CCDC80: variants seen among roughly 807,000 people sequenced by gnomAD.
CCDC80 encodes coiled-coil domain-containing protein 80.
A neutral mutation model predicts 78.7 loss-of-function variants in CCDC80; 49 were observed. That is an observed-to-expected ratio of 0.62 (90% CI 0.50 to 0.79). CCDC80 has a LOEUF of 0.79. Ranked by LOEUF, CCDC80 falls within the 30% of genes least tolerant of loss-of-function variation. The pLI is 0.00. For synonymous variants in CCDC80, 488 were observed against 447.0 expected (o/e 1.09, Z -1.16); for missense variants, 1,205 against 1,198.6 (o/e 1.01, Z -0.08).
chr3:112,609,268 A>C lies in CCDC80; in HGVS notation c.2425+710T>G, dbSNP rs933695517. On this transcript the variant is annotated intron_variant, in intron 6 of 7. Transcript: ENST00000206423. ...TTACTGCCTATATATCCATATCCAAAATGACATTAGCTCTCTCAGGACACT... is the reference window on the plus strand; with the variant it reads ...TTACTGCCTATATATCCATATCCAACATGACATTAGCTCTCTCAGGACACT... Among the ~76,000 whole-genome samples, 3 of 152,298 alleles carry C rather than the reference A, an allele frequency of 2.0e-5. No individual in the cohort carries two copies. In the South Asian group the frequency reaches 6.2e-4, roughly 32 times the overall value.
At chr3:112,622,304 T>C (rs1161563136) in intron 3 of CCDC80, among the ~76,000 whole-genome samples, 1 of 152,238 alleles carries the variant, frequency 6.6e-6, no homozygotes, top group Non-Finnish European at 1.5e-5. Context: ...TCCCAGATTA[T>C]AGGAATATCT....
chr3:112,612,762 T>C (rs962254761), intron 5 of CCDC80, among the ~76,000 whole-genome samples: 4 of 152,034 alleles, frequency 2.6e-5, no homozygotes, highest in Admixed American at 6.5e-5. Flanking sequence ...TAGACTGGCT[T>C]CAGGGTCTGG....
intron 3 of CCDC80, among the ~76,000 whole-genome samples, chr3:112,621,272 T>C (rs1046949249): frequency 2.0e-5 from 3 of 152,226 alleles, no homozygotes; most frequent in Non-Finnish European, 4.4e-5. Context: ...GGGATTGTTC[T>C]TGCTTCTGCC....
chr3:112,607,536 C>T (rs1274196754), intron 6 of CCDC80, among the ~76,000 whole-genome samples: 1 of 152,100 alleles, frequency 6.6e-6, no homozygotes, highest in African/African-American at 2.4e-5. Context: ...CCTGTAATCC[C>T]AGCACTTTGG....
In CCDC80 at chr3:112,640,017, C is replaced by T. The variant is rs1936311255; in HGVS notation, c.-11-101G>A. On this transcript the variant is annotated intron_variant, in intron 1 of 7. Transcript: ENST00000206423. ...CTGGTCATTTTCTTTTTCTGTATCT[C>T]AGCCAAGGGGAGGGGAAAAGGTTGG... 3.4e-6 allele frequency: 5 copies of T among 1,452,044 alleles called. 1 individual carries two copies. Among genetic ancestry groups the T allele is most frequent in the Non-Finnish European group, 4.5e-6 (5 of 1,106,724 alleles). The allele number at this position is 1,452,044 out of a possible 1,614,324, so 89.9% of individuals were successfully genotyped here.
chr3:112,616,331 T>A (rs865984428), intron 5 of CCDC80, among the ~76,000 whole-genome samples: 14 of 148,684 alleles, frequency 9.4e-5, no homozygotes, highest in African/African-American at 1.7e-4. Context: ...AATAAATAAA[T>A]ATGTAAAATA....
chr3:112,621,280 G>T lies in CCDC80; in HGVS notation c.2036-2176C>A, dbSNP rs78041177. Among the ~76,000 whole-genome samples the T allele has an allele frequency of 1.6e-4, 25 of 152,280 alleles. No individual in the cohort carries two copies. In the East Asian group the frequency reaches 4.6e-3, roughly 28 times the overall value. On this transcript the variant is annotated intron_variant, in intron 3 of 7. Transcript: ENST00000206423. ...TACATTAGGGATTGTTCTTGCTTCT[G>T]CCATTGCCATGAGAATATGCCCACA...
intron 4 of CCDC80, among the ~76,000 whole-genome samples, chr3:112,617,281 C>T (rs1354588799): frequency 6.6e-6 from 1 of 152,198 alleles, no homozygotes; most frequent in Non-Finnish European, 1.5e-5. Flanking sequence ...TAGTTTTCCA[C>T]CAAGGCCTGT....
chr3:112,610,196 A>T (rs750810900), intron 5 of CCDC80, 115 bp from the exon 6 acceptor site: 1 of 837,302 alleles, frequency 1.2e-6, no homozygotes, highest in African/African-American at 1.7e-5. Context: ...GAAAAAAAAA[A>T]AGAAAAAAAC....
rs1935532445 is a variant in CCDC80 at position 112,607,264 on chromosome 3, A to C, written c.2426-8T>G. The C allele has an allele frequency of 6.2e-7, 1 of 1,606,154 alleles. No individual in the cohort carries two copies. The highest frequency in any genetic ancestry group is 2.2e-5 in the East Asian group (1 of 44,824). The stretch of plus-strand genomic sequence containing the variant: ...TGGTTATGTGGCGCAGACCTGAGAG[A>C]AAAAAGAAAACCATAGGATTAGAGG... On this transcript the variant is annotated splice_region_variant and splice_polypyrimidine_tract_variant and intron_variant, in intron 6 of 7. Transcript: ENST00000206423.
At chr3:112,628,460 C>T (rs1936025114) in intron 3 of CCDC80, among the ~76,000 whole-genome samples, 1 of 152,182 alleles carries the variant, frequency 6.6e-6, no homozygotes, top group South Asian at 2.1e-4. Flanking sequence ...ACTACCAGAT[C>T]AAATGGTGAT....
In CCDC80 at chr3:112,599,387, T is replaced by C. The variant is rs1935337274; in HGVS notation, c.*6030A>G. ...ACAACTCAGAGAGAACTGAGGAAAGTAGTTAGCATGTTAACTGTGCCTCAC... is the reference window on the plus strand; with the variant it reads ...ACAACTCAGAGAGAACTGAGGAAAGCAGTTAGCATGTTAACTGTGCCTCAC... On this transcript the variant is annotated 3_prime_UTR_variant, in exon 8 of 8. Transcript: ENST00000206423. The C allele has an allele frequency of 6.6e-6, 1 of 152,138 alleles. No individual in the cohort carries two copies. The highest frequency in any genetic ancestry group is 1.5e-5 in the Non-Finnish European group (1 of 68,052). 9.4% of individuals were successfully genotyped at this position (152,138 alleles called of 1,614,324 possible).
chr3:112,602,173 A>G lies in CCDC80; in HGVS notation c.*3244T>C, dbSNP rs927312248. ...GTAGTCAACGATCTTTGATGTTGCT[A>G]TTATAATTACTGGGGGCACCATGAA... On this transcript the variant is annotated 3_prime_UTR_variant, in exon 8 of 8. Coordinates refer to ENST00000206423, the MANE Select transcript of CCDC80 (RefSeq NM_199511.3). The G allele has an allele frequency of 2.6e-5, 4 of 152,174 alleles. No individual in the cohort carries two copies. Among genetic ancestry groups the G allele is most frequent in the African/African-American group, 9.7e-5 (4 of 41,416 alleles). The allele number at this position is 152,174 out of a possible 1,614,324, so 9.4% of individuals were successfully genotyped here.
In CCDC80 at chr3:112,597,950, T is replaced by A. The variant is rs1935310498; in HGVS notation, c.*7467A>T. 3 of 152,234 alleles carry A rather than the reference T, an allele frequency of 2.0e-5. No homozygotes were observed. Among genetic ancestry groups the A allele is most frequent in the Non-Finnish European group, 4.4e-5 (3 of 68,060 alleles). The allele number at this position is 152,234 out of a possible 1,614,324, so 9.4% of individuals were successfully genotyped here. The stretch of plus-strand genomic sequence containing the variant: ...TTCCTGGTTCCTGGAAAAGTACATA[T>A]AGAATAGTATAAATACAATAAATGT... On this transcript the variant is annotated 3_prime_UTR_variant, in exon 8 of 8. Coordinates refer to ENST00000206423, the MANE Select transcript of CCDC80 (RefSeq NM_199511.3).
chr3:112,637,520 T>C (rs1350751918), intron 2 of CCDC80, among the ~76,000 whole-genome samples: 1 of 152,218 alleles, frequency 6.6e-6, no homozygotes, highest in Non-Finnish European at 1.5e-5. Flanking sequence ...TAGAGCTAAT[T>C]AGTGAAAGAG....
chr3:112,638,867 T>C lies in CCDC80; in HGVS notation c.1039A>G (p.Thr347Ala), dbSNP rs952531073. Reference sequence around the variant, plus strand: ...GGAGGAAGGGTGGTGGCTCTGGGGGTTGAGGGAGGTTGGGGCAAAGCTGGT... The same window carrying C: ...GGAGGAAGGGTGGTGGCTCTGGGGGCTGAGGGAGGTTGGGGCAAAGCTGGT... ...TAPALPQPPS[T>A]PRATTLPPAP... The change falls in exon 2 of 8, where the codon ACC becomes GCC. Residue 347 changes from threonine (T) to alanine (A), a missense_variant. Thr to Ala is a moderately conservative substitution (Grantham distance 58). Transcript: ENST00000206423. 6.8e-6 allele frequency: 11 copies of C among 1,612,892 alleles called. No homozygotes were observed. The highest frequency in any genetic ancestry group is 9.3e-6 in the Non-Finnish European group (11 of 1,179,796).
rs1935340078 is a variant in CCDC80 at position 112,599,582 on chromosome 3, C to G, written c.*5835G>C. On this transcript the variant is annotated 3_prime_UTR_variant, in exon 8 of 8. Transcript: ENST00000206423. ...AACAGAGGTTTTTTCCAAGGGCCTTCTATTTTTCTACAATCTCCACACATT... is the reference window on the plus strand; with the variant it reads ...AACAGAGGTTTTTTCCAAGGGCCTTGTATTTTTCTACAATCTCCACACATT... 1 of 152,240 alleles carries G rather than the reference C, an allele frequency of 6.6e-6. No individual in the cohort carries two copies. Among genetic ancestry groups the G allele is most frequent in the Non-Finnish European group, 1.5e-5 (1 of 68,078 alleles). 9.4% of individuals were successfully genotyped at this position (152,240 alleles called of 1,614,324 possible). A position where few individuals can be genotyped will look rare whatever the true frequency, so the allele number is the denominator to read the frequency against.
At chr3:112,622,693 T>C (rs939653059) in intron 3 of CCDC80, among the ~76,000 whole-genome samples, 1 of 152,134 alleles carries the variant, frequency 6.6e-6, no homozygotes, top group African/African-American at 2.4e-5. Context: ...TCTTGCTCTG[T>C]CACCCAGGCA....
At position 112,639,051 on chromosome 3, in the gene CCDC80, A is replaced by C. The variant is rs774287035; in HGVS notation, c.855T>G (p.Gly285=). Residue 285 remains glycine (G), a synonymous_variant, in exon 2 of 8, where the codon GGT becomes GGG. Coordinates refer to ENST00000206423, the MANE Select transcript of CCDC80 (RefSeq NM_199511.3). ...CCTCCGCCACCACCTGGCCCTCTAC[A>C]CCAGAGGCCTTACATTTCTGGACAA... ...KGFVQKCKAS[G]VEGQVVAEGN... is the part of the protein sequence containing the mutation. 6.2e-7 allele frequency: 1 copy of C among 1,612,078 alleles called. No individual in the cohort carries two copies. Among genetic ancestry groups the C allele is most frequent in the South Asian group, 1.1e-5 (1 of 91,060 alleles).
Sources: allele counts gnomAD v4.1 joint callset (sites outside exome capture counted in the v4.1 genomes callset), GRCh38; gene constraint gnomAD v4.1.1; transcripts MANE v1.5; gene names NCBI Gene and HGNC (gene_info 2026-07-23, HGNC 2026-07-21).